The following MYRIP variants were observed in gnomAD, a reference collection of about 807,000 sequenced individuals.
MYRIP encodes myosin VIIA and Rab interacting protein.
In MYRIP, 49 loss-of-function variants were observed where a neutral mutation model predicts 98.0. The ratio of observed to expected loss-of-function variants is 0.50; its 90% CI spans 0.40 to 0.63. MYRIP has a LOEUF of 0.63. Ranked by LOEUF, MYRIP falls within the 30% of genes least tolerant of loss-of-function variation. MYRIP has a pLI of 0.00. For synonymous variants in MYRIP, 404 were observed against 409.5 expected (o/e 0.99, Z 0.16); for missense variants, 1,004 against 1,058.2 (o/e 0.95, Z 0.71).
At chr3:39,817,529 A>AT (rs1206667248) in intron 1 of MYRIP, among the ~76,000 whole-genome samples, 1 of 152,214 alleles carries the variant, frequency 6.6e-6, no homozygotes, top group Non-Finnish European at 1.5e-5. Context: ...CATTAAAAAC[A>AT]TTTTTTAAAA....
chr3:40,151,247 A>C (rs1053652663), intron 4 of MYRIP, 63 bp downstream of exon 4: 107 of 1,521,636 alleles, frequency 7.0e-5, no homozygotes, highest in Non-Finnish European at 9.2e-5. Flanking sequence ...GGCCTGGCTC[A>C]GGGGCCCTGA....
intron 2 of MYRIP, among the ~76,000 whole-genome samples, chr3:40,032,168 C>T (rs986840903): frequency 1.3e-5 from 2 of 151,980 alleles, no homozygotes; most frequent in African/African-American, 4.8e-5. Flanking sequence ...GAATGTGTCC[C>T]AGAGATTCTG....
At chr3:40,079,026 G>A (rs1214059792) in intron 3 of MYRIP, among the ~76,000 whole-genome samples, 1 of 152,198 alleles carries the variant, frequency 6.6e-6, no homozygotes, top group Non-Finnish European at 1.5e-5. Context: ...GCCAAGTAAC[G>A]TGATGGATGT....
At chr3:40,026,952 C>T (rs1264474076) in intron 2 of MYRIP, among the ~76,000 whole-genome samples, 1 of 152,104 alleles carries the variant, frequency 6.6e-6, no homozygotes, top group East Asian at 1.9e-4. Context: ...CCCCTGGCTG[C>T]CCCATCCCTC....
At chr3:40,091,807 G>T (rs893367665) in intron 3 of MYRIP, among the ~76,000 whole-genome samples, 1 of 152,142 alleles carries the variant, frequency 6.6e-6, no homozygotes, top group Non-Finnish European at 1.5e-5. Context: ...GGCCGGGTGG[G>T]TTGAGGGAGA....
chr3:39,902,373 G>A (rs1464851727), intron 2 of MYRIP, among the ~76,000 whole-genome samples: 1 of 152,224 alleles, frequency 6.6e-6, no homozygotes, highest in Non-Finnish European at 1.5e-5. Context: ...GCAGCGCTAA[G>A]ACCAACTTGA....
At chr3:40,198,132 G>A (rs1452701455) in intron 10 of MYRIP, among the ~76,000 whole-genome samples, 1 of 152,140 alleles carries the variant, frequency 6.6e-6, no homozygotes, top group Non-Finnish European at 1.5e-5. Flanking sequence ...ATGCAACATG[G>A]TACCATGGCT....
chr3:39,956,223 A>G (rs1450249869), intron 2 of MYRIP, among the ~76,000 whole-genome samples: 3 of 152,226 alleles, frequency 2.0e-5, no homozygotes, highest in Non-Finnish European at 4.4e-5. Flanking sequence ...AACAGAATAT[A>G]CATTCTTCTC....
chr3:39,866,236 T>A (rs540068893), intron 1 of MYRIP, among the ~76,000 whole-genome samples: 8 of 152,184 alleles, frequency 5.3e-5, no homozygotes, highest in Admixed American at 1.3e-4. Context: ...TCAAGTACTG[T>A]GCTGATTACC....
At chr3:40,138,467 C>T (rs1015751775) in intron 3 of MYRIP, among the ~76,000 whole-genome samples, 4 of 151,980 alleles carry the variant, frequency 2.6e-5, no homozygotes, top group South Asian at 2.1e-4. Context: ...TCCAAAAGAT[C>T]GTATTAAATT....
At chr3:40,186,546 A>T (rs906843335) in intron 9 of MYRIP, among the ~76,000 whole-genome samples, 16 of 151,946 alleles carry the variant, frequency 1.1e-4, no homozygotes, top group Non-Finnish European at 2.1e-4. Context: ...AAGAGGGGGG[A>T]TACTTAGCCA....
chr3:40,209,836 A>G lies in MYRIP; in HGVS notation c.1666-18A>G. 1 of 1,613,688 alleles carries G rather than the reference A, an allele frequency of 6.2e-7. No individual in the cohort carries two copies. The highest frequency in any genetic ancestry group is 2.2e-5 in the East Asian group (1 of 44,872). ...GTAGCAGAGGGCTCCTCATCTCATG[A>G]TTCTGGCTTTCATTTAGGTGTCGGA... is the stretch of plus-strand genomic sequence containing the variant. On this transcript the variant is annotated intron_variant, in intron 10 of 16. Coordinates refer to ENST00000302541, the MANE Select transcript of MYRIP (RefSeq NM_015460.4).
chr3:40,160,266 G>T (rs1575586284), intron 4 of MYRIP, among the ~76,000 whole-genome samples: 1 of 152,304 alleles, frequency 6.6e-6, no homozygotes, highest in East Asian at 1.9e-4. Flanking sequence ...TGAGGTGTCA[G>T]TCTGCCCCTA....
chr3:40,101,206 A>G (rs1469970304), intron 3 of MYRIP, among the ~76,000 whole-genome samples: 1 of 152,118 alleles, frequency 6.6e-6, no homozygotes, highest in East Asian at 1.9e-4. Context: ...CCATTCTCCC[A>G]GTATATCTGC....
At chr3:40,116,410 G>A (rs1327800410) in intron 3 of MYRIP, among the ~76,000 whole-genome samples, 2 of 109,070 alleles carry the variant, frequency 1.8e-5, no homozygotes, top group East Asian at 4.8e-4. Context: ...ACTTCTAGAT[G>A]GAAAACATCC....
At chr3:39,909,144 A>T (rs748565845) in intron 2 of MYRIP, among the ~76,000 whole-genome samples, 9 of 152,146 alleles carry the variant, frequency 5.9e-5, no homozygotes, top group Non-Finnish European at 1.0e-4. Context: ...TGATGGGGGA[A>T]GGCCTAGGAG....
chr3:40,245,344 T>C (rs953348764), intron 13 of MYRIP, among the ~76,000 whole-genome samples: 4 of 152,160 alleles, frequency 2.6e-5, no homozygotes, highest in Admixed American at 2.0e-4. Flanking sequence ...ATGACAATTT[T>C]TTTCTTTAAA....
intron 16 of MYRIP, among the ~76,000 whole-genome samples, chr3:40,257,275 T>C (rs972737298): frequency 6.6e-6 from 1 of 152,146 alleles, no homozygotes; most frequent in African/African-American, 2.4e-5. Flanking sequence ...TGAGCTATGA[T>C]TGCACCACTG....
intron 1 of MYRIP, among the ~76,000 whole-genome samples, chr3:39,897,408 G>T (rs1345598228): frequency 6.6e-6 from 1 of 152,206 alleles, no homozygotes; most frequent in African/African-American, 2.4e-5. Flanking sequence ...CTTTAGGGAA[G>T]TGGTGATATA....
Sources: gnomAD v4.1 joint callset for allele counts (sites outside exome capture counted in the v4.1 genomes callset) on GRCh38, gnomAD v4.1.1 for gene constraint, MANE v1.5 for transcripts, NCBI Gene and HGNC (gene_info 2026-07-23, HGNC 2026-07-21) for gene names.